SLC45A4: variants seen among roughly 807,000 people sequenced by gnomAD.
SLC45A4 encodes the protein solute carrier family 45 member 4.
SLC45A4 carries 32 observed loss-of-function variants against 63.7 expected under a neutral mutation model. That is an observed-to-expected ratio of 0.50 (90% CI 0.38 to 0.67). SLC45A4 has a LOEUF of 0.67. SLC45A4 is among the 30% of genes least tolerant of loss of function. The pLI is 0.00. For synonymous variants in SLC45A4, 535 were observed against 510.0 expected (o/e 1.05, Z -0.66); for missense variants, 1,027 against 1,157.7 (o/e 0.89, Z 1.64).
Position 141,210,947 on chromosome 8 carries a change from C to T in SLC45A4, c.*625G>A, listed in dbSNP as rs1344016536. ...TTTTGCTTATTCGTTGAAACCAGAA[C>T]GACTGTGCGGAGCCCTCCGGTGACA... On this transcript the variant is annotated 3_prime_UTR_variant, in exon 9 of 9. Transcript: ENST00000517878. The T allele has an allele frequency of 2.0e-5, 3 of 153,430 alleles. No individual in the cohort carries two copies. The highest frequency in any genetic ancestry group is 2.4e-5 in the African/African-American group (1 of 41,610). 9.5% of individuals were successfully genotyped at this position (153,430 alleles called of 1,614,324 possible).
chr8:141,212,107 T>G, intron 8 of SLC45A4, 90 bp downstream of exon 8: 1 of 1,433,294 alleles, frequency 7.0e-7, no homozygotes, highest in East Asian at 2.5e-5. Context: ...TTCCGCGGTG[T>G]CTCTGCTCCC....
In SLC45A4 at chr8:141,211,435, C is replaced by G; in HGVS notation, c.*137G>C. The G allele has an allele frequency of 6.4e-7, 1 of 1,566,080 alleles. No homozygotes were observed. The highest frequency in any genetic ancestry group is 8.6e-7 in the Non-Finnish European group (1 of 1,156,630). On this transcript the variant is annotated 3_prime_UTR_variant, in exon 9 of 9. Transcript: ENST00000517878. ...TGGGCAGGGTGTCTGGGAGCCACCC[C>G]TGCAAATCACTGTCTTCTGCCCAGG...
intron 2 of SLC45A4, among the ~76,000 whole-genome samples, chr8:141,231,213 G>A (rs781511636): frequency 1.7e-4 from 26 of 152,358 alleles, no homozygotes; most frequent in Middle Eastern, 3.4e-3. Flanking sequence ...GGGAAGGAGC[G>A]CCGGAGACAG....
intron 1 of SLC45A4, among the ~76,000 whole-genome samples, chr8:141,297,931 A>G (rs1323785566): frequency 8.1e-5 from 4 of 49,198 alleles, no homozygotes; most frequent in African/African-American, 2.1e-4. Flanking sequence ...GACACCCAAA[A>G]TTGCAAAAAA....
At position 141,218,116 on chromosome 8, in the gene SLC45A4, C is replaced by G; in HGVS notation, c.1524G>C (p.Leu508=). 1 of 1,612,284 alleles carries G rather than the reference C, an allele frequency of 6.2e-7. No homozygotes were observed. The highest frequency in any genetic ancestry group is 8.5e-7 in the Non-Finnish European group (1 of 1,179,962). ...WLSMLKMPRE[L]MRLCLCHLLT... is the part of the protein sequence containing the mutation. ...GGAGGTGGCAGAGGCACAGCCGCAT[C>G]AGCTCCCTGGGCATCTTCAGCATGG... The change falls in exon 5 of 9, where the codon CTG becomes CTC. Residue 508 remains leucine (L), a synonymous_variant. Transcript: ENST00000517878.
chr8:141,208,634 A>G lies in SLC45A4; in HGVS notation c.*2938T>C, dbSNP rs962836847. The G allele has an allele frequency of 1.3e-5, 2 of 152,156 alleles. No individual in the cohort carries two copies. The highest frequency in any genetic ancestry group is 2.9e-5 in the Non-Finnish European group (2 of 68,046). The allele number at this position is 152,156 out of a possible 1,614,324, so 9.4% of individuals were successfully genotyped here. On this transcript the variant is annotated 3_prime_UTR_variant, in exon 9 of 9. Coordinates refer to ENST00000517878, the MANE Select transcript of SLC45A4 (RefSeq NM_001286646.2). ...AGTGGCAGGTTGGAGGATTCCAGCT[A>G]AGGCCCCTGCCTGAGAGTGAGAAAA...
chr8:141,216,212 G>A (rs1245721857), intron 6 of SLC45A4, among the ~76,000 whole-genome samples: 1 of 152,170 alleles, frequency 6.6e-6, no homozygotes, highest in East Asian at 1.9e-4. Context: ...CCTTGTCCCA[G>A]ACCCCATAAC....
intron 2 of SLC45A4, among the ~76,000 whole-genome samples, chr8:141,233,788 G>A (rs1336014543): frequency 6.6e-6 from 1 of 152,230 alleles, no homozygotes; most frequent in Non-Finnish European, 1.5e-5. Flanking sequence ...AACGGCTATG[G>A]AGCGTGGCAC....
chr8:141,273,377 A>T (rs982580238), intron 1 of SLC45A4, among the ~76,000 whole-genome samples: 1 of 152,184 alleles, frequency 6.6e-6, no homozygotes, highest in South Asian at 2.1e-4. Context: ...CATCCCCTGA[A>T]ATCTCAGCTG....
In SLC45A4 at chr8:141,297,271, C is replaced by T. The variant is rs555925338; in HGVS notation, c.-401+10825G>A. 9.2e-5 allele frequency among the ~76,000 whole-genome samples: 14 copies of T among 152,040 alleles called. No individual in the cohort carries two copies. In the East Asian group the frequency reaches 2.5e-3, roughly 27 times the overall value. On this transcript the variant is annotated intron_variant, in intron 1 of 8. Transcript: ENST00000517878. ...GCTCCACCAAGAAGAGGCGGGCACCCGGTGGGCGCCGGGCACTCTGCCTGG... is the reference window on the plus strand; with the variant it reads ...GCTCCACCAAGAAGAGGCGGGCACCTGGTGGGCGCCGGGCACTCTGCCTGG...
At chr8:141,245,496 T>C (rs1828145811) in intron 2 of SLC45A4, among the ~76,000 whole-genome samples, 2 of 152,264 alleles carry the variant, frequency 1.3e-5, no homozygotes, top group South Asian at 4.1e-4. Context: ...GAGCCCCCTT[T>C]ACTGCTTGCC....
intron 1 of SLC45A4, among the ~76,000 whole-genome samples, chr8:141,283,021 CCAG>C (rs1830011344): frequency 6.6e-6 from 1 of 152,242 alleles, no homozygotes. Context: ...GTGCCAGAGG[CCAG>C]CAGAAGTTTC....
intron 1 of SLC45A4, among the ~76,000 whole-genome samples, chr8:141,299,014 C>T (rs1158435401): frequency 6.6e-6 from 1 of 150,392 alleles, no homozygotes; most frequent in African/African-American, 2.5e-5. Flanking sequence ...AGGCGCTGCT[C>T]CAGAGGTCCC....
chr8:141,286,275 C>A (rs528209741), intron 1 of SLC45A4, among the ~76,000 whole-genome samples: 1 of 152,116 alleles, frequency 6.6e-6, no homozygotes, highest in African/African-American at 2.4e-5. Flanking sequence ...GGAGAATGGG[C>A]GGTGGTGGTT....
At chr8:141,245,662 G>C (rs1177485564) in intron 2 of SLC45A4, among the ~76,000 whole-genome samples, 1 of 152,166 alleles carries the variant, frequency 6.6e-6, no homozygotes, top group Non-Finnish European at 1.5e-5. Context: ...TGGACTCTTA[G>C]AGCTAGATGG....
chr8:141,276,878 C>G (rs1367683048), intron 1 of SLC45A4, among the ~76,000 whole-genome samples: 1 of 152,240 alleles, frequency 6.6e-6, no homozygotes, highest in Non-Finnish European at 1.5e-5. Flanking sequence ...ACACCTCACG[C>G]GGGCTCCTCA....
At chr8:141,271,938 T>C (rs1350945367) in intron 1 of SLC45A4, among the ~76,000 whole-genome samples, 1 of 148,072 alleles carries the variant, frequency 6.8e-6, no homozygotes, top group Non-Finnish European at 1.5e-5. Context: ...CACACCTGCA[T>C]TCACACATGC....
chr8:141,218,162 G>A lies in SLC45A4; in HGVS notation c.1478C>T (p.Thr493Met), dbSNP rs764827415. ...TESEEGEGET[T>M]VRLLWLSMLK... Reference sequence around the variant, plus strand: ...CATGGAGAGCCACAGCAGGCGCACCGTGGTCTCGCCCTCCCCCTCCTCACT... The same window carrying A: ...CATGGAGAGCCACAGCAGGCGCACCATGGTCTCGCCCTCCCCCTCCTCACT... Residue 493 changes from threonine (T) to methionine (M), a missense_variant, in exon 5 of 9, where the codon ACG (threonine) becomes ATG (methionine). Coordinates refer to ENST00000517878, the MANE Select transcript of SLC45A4 (RefSeq NM_001286646.2). 13 of 1,608,070 alleles carry A rather than the reference G, an allele frequency of 8.1e-6. No homozygotes were observed. The highest frequency in any genetic ancestry group is 2.7e-5 in the African/African-American group (2 of 74,914).
intron 1 of SLC45A4, among the ~76,000 whole-genome samples, chr8:141,262,828 T>C (rs1284859071): frequency 2.7e-5 from 4 of 149,436 alleles, no homozygotes; most frequent in Admixed American, 6.7e-5. Flanking sequence ...GATCTAGAAC[T>C]AGAAATACCA....
Sources: allele counts gnomAD v4.1 joint callset (sites outside exome capture counted in the v4.1 genomes callset), GRCh38; gene constraint gnomAD v4.1.1; transcripts MANE v1.5; gene names NCBI Gene and HGNC (gene_info 2026-07-23, HGNC 2026-07-21).